MAP3K5: variants seen among roughly 807,000 people sequenced by gnomAD.
The protein encoded by MAP3K5 is ASK-1.
Under a neutral mutation model 158.7 loss-of-function variants are expected in MAP3K5, and 56 were observed. That is an observed-to-expected ratio of 0.35 (90% CI 0.28 to 0.44). The LOEUF (loss-of-function observed/expected upper bound fraction) is 0.44, where lower values mean the gene tolerates loss of function less well. MAP3K5 is among the 20% of genes least tolerant of loss of function. The probability of loss-of-function intolerance (pLI) is 1.00; values close to 1 mark genes in which losing one functional copy is unlikely to be tolerated. For synonymous variants in MAP3K5, 579 were observed against 601.7 expected, an observed-to-expected ratio of 0.96 and a Z score of 0.55; for missense variants, 1,294 against 1,674.8, an observed-to-expected ratio of 0.77 and a Z score of 3.97.
rs146066106 is a variant in MAP3K5 at position 136,667,521 on chromosome 6, A to T, written c.1366+1762T>A. Among the ~76,000 whole-genome samples, 113 of 152,198 alleles carry T rather than the reference A, an allele frequency of 7.4e-4. 1 individual carries two copies. The East Asian group carries it at 9.9e-3, about 13-fold the overall frequency. On this transcript the variant is annotated intron_variant, in intron 8 of 29. Coordinates refer to ENST00000359015, the MANE Select transcript of MAP3K5 (RefSeq NM_005923.4). The stretch of plus-strand genomic sequence containing the variant: ...GATCTCCTGAGCTCAGGAGGTTGAG[A>T]TTGCAGTGAGCCGTGATCGTGCCAG...
At chr6:136,586,631 G>A (rs1234097698) in intron 23 of MAP3K5, among the ~76,000 whole-genome samples, 1 of 152,176 alleles carries the variant, frequency 6.6e-6, no homozygotes. Flanking sequence ...GTACCAGGTT[G>A]TGATGGTTAA....
chr6:136,763,738 G>A (rs1270152057), intron 1 of MAP3K5, among the ~76,000 whole-genome samples: 2 of 152,154 alleles, frequency 1.3e-5, no homozygotes, highest in Non-Finnish European at 2.9e-5. Flanking sequence ...AAGTGTCATG[G>A]TGAAATTTAA....
Position 136,669,366 on chromosome 6 carries a change from G to A in MAP3K5, c.1283C>T (p.Thr428Ile). 1 of 1,612,678 alleles carries A rather than the reference G, an allele frequency of 6.2e-7. No individual in the cohort carries two copies. The highest frequency in any genetic ancestry group is 8.5e-7 in the Non-Finnish European group (1 of 1,178,848). ...WFKKAFESEP[T>I]LQSGINYAVL... The stretch of plus-strand genomic sequence containing the variant: ...CGCATAATTAATTCCTGACTGTAGT[G>A]TTGGCTCAGATTCAAATGCCTTTTT... Residue 428 changes from threonine (T) to isoleucine (I), a missense_variant, in exon 8 of 30, where the codon ACA becomes ATA. Thr to Ile is a moderately conservative substitution (Grantham distance 89). Coordinates refer to ENST00000359015, the MANE Select transcript of MAP3K5 (RefSeq NM_005923.4).
At chr6:136,790,827 T>C (rs1362212530) in intron 1 of MAP3K5, among the ~76,000 whole-genome samples, 3 of 152,248 alleles carry the variant, frequency 2.0e-5, no homozygotes, top group East Asian at 3.8e-4. Flanking sequence ...TTCCATAATA[T>C]GGTATTATTC....
intron 7 of MAP3K5, among the ~76,000 whole-genome samples, chr6:136,681,650 G>A (rs900280540): frequency 6.6e-6 from 1 of 151,776 alleles, no homozygotes; most frequent in South Asian, 2.1e-4. Context: ...AAAGCAAAAC[G>A]AAACGCCTGT....
At chr6:136,679,827 C>A (rs1011381717) in intron 7 of MAP3K5, among the ~76,000 whole-genome samples, 1 of 151,904 alleles carries the variant, frequency 6.6e-6, no homozygotes, top group Non-Finnish European at 1.5e-5. Context: ...AAAAGTAGAA[C>A]CTTAAAGAGA....
At chr6:136,647,113 C>A (rs1284876386) in intron 11 of MAP3K5, among the ~76,000 whole-genome samples, 3 of 152,154 alleles carry the variant, frequency 2.0e-5, no homozygotes, top group Non-Finnish European at 4.4e-5. Flanking sequence ...TTGTATTATT[C>A]CACTCTAGGA....
At chr6:136,663,001 C>A (rs1185719319) in intron 8 of MAP3K5, among the ~76,000 whole-genome samples, 1 of 152,154 alleles carries the variant, frequency 6.6e-6, no homozygotes, top group Non-Finnish European at 1.5e-5. Flanking sequence ...AGTCTTATCA[C>A]CTTGCAGCTG....
chr6:136,708,226 C>T (rs1267999294), intron 2 of MAP3K5, among the ~76,000 whole-genome samples: 2 of 152,138 alleles, frequency 1.3e-5, no homozygotes, highest in East Asian at 3.9e-4. Context: ...TTTACACAGA[C>T]TAATTTGATG....
At position 136,659,332 on chromosome 6, in the gene MAP3K5, T is replaced by G. The variant is rs1583363835; in HGVS notation, c.1413A>C (p.Lys471Asn). ...SLLGKKGNLE[K>N]LQSYWEVGFF... ...ATCCAACTTCCCAGTAGCTCTGGAG[T>G]TTTTCCAAGTTTCCCTTTTTACCAA... Residue 471 changes from lysine to asparagine, a missense_variant, in exon 9 of 30, where the codon AAA (lysine) becomes AAC (asparagine). Coordinates refer to ENST00000359015, the MANE Select transcript of MAP3K5 (RefSeq NM_005923.4). 1.2e-6 allele frequency: 2 copies of G among 1,613,806 alleles called. No individual in the cohort carries two copies. Among genetic ancestry groups the G allele is most frequent in the Non-Finnish European group, 1.7e-6 (2 of 1,179,964 alleles).
At chr6:136,615,514 G>C (rs917119808) in intron 15 of MAP3K5, among the ~76,000 whole-genome samples, 1 of 152,126 alleles carries the variant, frequency 6.6e-6, no homozygotes, top group Non-Finnish European at 1.5e-5. Context: ...TTTTTCAGAA[G>C]GTCAGATCTT....
chr6:136,788,844 A>G (rs1693069787), intron 1 of MAP3K5, among the ~76,000 whole-genome samples: 1 of 152,260 alleles, frequency 6.6e-6, no homozygotes, highest in Admixed American at 6.5e-5. Flanking sequence ...TAATTTGGAG[A>G]GTTCTCAAAG....
At chr6:136,736,248 T>C (rs1426237376) in intron 1 of MAP3K5, among the ~76,000 whole-genome samples, 1 of 152,176 alleles carries the variant, frequency 6.6e-6, no homozygotes, top group Non-Finnish European at 1.5e-5. Context: ...TGGAAACCTC[T>C]CACAGTCAGG....
chr6:136,707,119 C>T (rs563901946), intron 2 of MAP3K5, among the ~76,000 whole-genome samples: 4 of 152,096 alleles, frequency 2.6e-5, no homozygotes, highest in Non-Finnish European at 5.9e-5. Context: ...TGTGCCACTG[C>T]ACTCCAGCTT....
intron 15 of MAP3K5, among the ~76,000 whole-genome samples, chr6:136,614,848 A>G (rs1389327015): frequency 6.6e-6 from 1 of 152,182 alleles, no homozygotes; most frequent in Non-Finnish European, 1.5e-5. Flanking sequence ...TTCAATAGCA[A>G]ACATAAAACC....
At chr6:136,792,541 C>CGCCGCGCCGCGCCG, upstream of MAP3K5, 1 of 165,244 alleles carries the variant, frequency 6.1e-6, no homozygotes, top group East Asian at 2.0e-4. This position sits in a 1 kb window ranked among gnomAD's most constrained non-coding sequence, Gnocchi z 5.7. Context: ...CCCTCGCCAC[C>CGCCGCGCCGCGCCG]CGCCGCGCCG....
chr6:136,602,197 A>G (rs1374300287), intron 19 of MAP3K5, among the ~76,000 whole-genome samples: 1 of 152,234 alleles, frequency 6.6e-6, no homozygotes, highest in African/African-American at 2.4e-5. Context: ...AGGCAGAATA[A>G]TTAGTTGAAG....
chr6:136,557,400 T>A lies in MAP3K5; in HGVS notation c.*358A>T. ...TTGGTTTTGTTCCAGTGGTGCACGATCACATGAAATGTTACATCCGTTTTG... is the reference window on the plus strand; with the variant it reads ...TTGGTTTTGTTCCAGTGGTGCACGAACACATGAAATGTTACATCCGTTTTG... On this transcript the variant is annotated 3_prime_UTR_variant, in exon 30 of 30. Transcript: ENST00000359015. The A allele has an allele frequency of 5.0e-6, 1 of 199,678 alleles. No homozygotes were observed. Among genetic ancestry groups the A allele is most frequent in the Non-Finnish European group, 1.0e-5 (1 of 97,696 alleles). 12.4% of individuals were successfully genotyped at this position (199,678 alleles called of 1,614,324 possible). A position where few individuals can be genotyped will look rare whatever the true frequency, so the allele number is the denominator to read the frequency against.
At chr6:136,599,675 A>G (rs1775792297) in intron 21 of MAP3K5, among the ~76,000 whole-genome samples, 1 of 152,186 alleles carries the variant, frequency 6.6e-6, no homozygotes. Context: ...ATATTATTTT[A>G]TTTTATTCCC....
Sources: allele counts gnomAD v4.1 joint callset (sites outside exome capture counted in the v4.1 genomes callset), GRCh38; gene constraint gnomAD v4.1.1; non-coding constraint Gnocchi (gnomAD v3.1); transcripts MANE v1.5; gene names NCBI Gene and HGNC (gene_info 2026-07-23, HGNC 2026-07-21).